The following CHCHD4 variants were observed in gnomAD, a reference collection of about 807,000 sequenced individuals.
CHCHD4 encodes coiled-coil-helix-coiled-coil-helix domain containing 4, also known as mitochondrial intermembrane space import and assembly protein 40.
Under a neutral mutation model 12.4 loss-of-function variants are expected in CHCHD4, and 7 were observed. The ratio of observed to expected loss-of-function variants is 0.57; its 90% CI spans 0.32 to 1.06. The LOEUF is 1.06. CHCHD4 is among the 50% of genes least tolerant of loss of function. The pLI is 0.04. For synonymous variants in CHCHD4, 56 were observed against 58.0 expected (o/e 0.97, Z 0.16); for missense variants, 143 against 175.1 (o/e 0.82, Z 1.03).
At chr3:14,122,448 A>G (rs1411230168) in intron 1 of CHCHD4, among the ~76,000 whole-genome samples, 1 of 152,224 alleles carries the variant, frequency 6.6e-6, no homozygotes, top group Non-Finnish European at 1.5e-5. Flanking sequence ...GAAAGAGGAA[A>G]CTAAGAAAGA....
chr3:14,119,614 G>A (rs565513037), intron 1 of CHCHD4, among the ~76,000 whole-genome samples: 1 of 152,338 alleles, frequency 6.6e-6, no homozygotes, highest in African/African-American at 2.4e-5. Context: ...TTTCTCTAGA[G>A]AAATAAAATT....
rs139685548 is a variant in CHCHD4 at position 14,113,104 on chromosome 3, G to C, written c.212C>G (p.Ala71Gly). ...CGTGCTATAGTGGAAGCAGGAAAAG[G>C]CTGACTTAAACTGTTCTCCACAGGG... ...SGPCGEQFKS[A>G]FSCFHYSTEE... The change falls in exon 3 of 3, where the codon GCC (alanine) becomes GGC (glycine). Residue 71 changes from alanine (A) to glycine (G), a missense_variant. Ala to Gly is a moderately conservative substitution (Grantham distance 60). Coordinates refer to ENST00000396914, the MANE Select transcript of CHCHD4 (RefSeq NM_001098502.2). 4.3e-5 allele frequency: 69 copies of C among 1,614,090 alleles called. No individual in the cohort carries two copies. The highest frequency in any genetic ancestry group is 1.1e-4 in the South Asian group (10 of 91,076).
chr3:14,116,375 C>G (rs1244821519), intron 2 of CHCHD4, 51 bp downstream of exon 2: 1 of 1,210,546 alleles, frequency 8.3e-7, no homozygotes, highest in South Asian at 1.2e-5. Context: ...GAACACTGAG[C>G]TTCTCCCCAG....
chr3:14,124,512 C>T, intron 1 of CHCHD4, 143 bp downstream of exon 1: 1 of 597,608 alleles, frequency 1.7e-6, no homozygotes, highest in Non-Finnish European at 2.6e-6. Context: ...ACCCCCCAGC[C>T]GGCCCGCCTC....
intron 1 of CHCHD4, 57 bp downstream of exon 1, chr3:14,124,598 C>CGCGCCCG: frequency 7.0e-7 from 1 of 1,436,900 alleles, no homozygotes; most frequent in Non-Finnish European, 9.1e-7. Flanking sequence ...CGCCGGGGCC[C>CGCGCCCG]GCGTGTCTCC....
chr3:14,116,126 T>C (rs937013350), intron 2 of CHCHD4, among the ~76,000 whole-genome samples: 5 of 152,206 alleles, frequency 3.3e-5, no homozygotes, highest in African/African-American at 7.2e-5. Context: ...GAATTCAGTC[T>C]GGCAACTTGT....
intron 2 of CHCHD4, among the ~76,000 whole-genome samples, chr3:14,113,824 T>C (rs1258636922): frequency 1.3e-5 from 2 of 152,212 alleles, no homozygotes; most frequent in Non-Finnish European, 2.9e-5. Context: ...AAACTGCACA[T>C]ATGTGTTGGG....
In CHCHD4 at chr3:14,112,542, A is replaced by T. The variant is rs1021967457; in HGVS notation, c.*345T>A. 2 of 202,692 alleles carry T rather than the reference A, an allele frequency of 9.9e-6. No individual in the cohort carries two copies. Among genetic ancestry groups the T allele is most frequent in the African/African-American group, 4.6e-5 (2 of 43,268 alleles). 12.6% of individuals were successfully genotyped at this position (202,692 alleles called of 1,614,324 possible). ...AAAATCTACCAAAAGGAATATAATG[A>T]ATCAGAATAAATCAGCTCACTCACA... is the stretch of plus-strand genomic sequence containing the variant. On this transcript the variant is annotated 3_prime_UTR_variant, in exon 3 of 3. Coordinates refer to ENST00000396914, the MANE Select transcript of CHCHD4 (RefSeq NM_001098502.2).
intron 1 of CHCHD4, among the ~76,000 whole-genome samples, chr3:14,117,340 C>T (rs906506918): frequency 6.6e-6 from 1 of 152,182 alleles, no homozygotes; most frequent in African/African-American, 2.4e-5. Flanking sequence ...TCACTGGAGG[C>T]TGGGTGAGCA....
At chr3:14,123,055 G>A (rs114645233) in intron 1 of CHCHD4, among the ~76,000 whole-genome samples, 3,776 of 149,750 alleles carry the variant, frequency 0.025, 176 homozygotes, top group African/African-American at 0.087. Context: ...CGGAGGGGGG[G>A]AAGTTAGGGA....
At chr3:14,117,387 G>A (rs1694887018) in intron 1 of CHCHD4, among the ~76,000 whole-genome samples, 1 of 152,200 alleles carries the variant, frequency 6.6e-6, no homozygotes, top group East Asian at 1.9e-4. Context: ...ACCAGGGTGG[G>A]TGCATTCACT....
intron 1 of CHCHD4, chr3:14,122,077 T>C (rs752485556): frequency 1.1e-5 from 18 of 1,596,524 alleles, no homozygotes; most frequent in Non-Finnish European, 1.3e-5. Context: ...GGAACCATCC[T>C]GGGCAAAGCC....
chr3:14,124,740 T>C lies in CHCHD4; in HGVS notation c.-64A>G. On this transcript the variant is annotated 5_prime_UTR_variant, in exon 1 of 3. Coordinates refer to ENST00000396914, the MANE Select transcript of CHCHD4 (RefSeq NM_001098502.2). ...TGGCGGCAGCTGCACCTTTACGCCG[T>C]GACCTCCCTCTCCTCTGGCAGGGCG... is the stretch of plus-strand genomic sequence containing the variant. 4 of 1,493,168 alleles carry C rather than the reference T, an allele frequency of 2.7e-6. No individual in the cohort carries two copies. The South Asian group carries it at 5.0e-5, about 19-fold the overall frequency. 92.5% of individuals were successfully genotyped at this position (1,493,168 alleles called of 1,614,324 possible).
intron 1 of CHCHD4, among the ~76,000 whole-genome samples, chr3:14,122,941 G>A (rs1293984505): frequency 1.3e-5 from 2 of 151,898 alleles, no homozygotes; most frequent in Non-Finnish European, 2.9e-5. Flanking sequence ...AAGAGACCAG[G>A]CTGGAAAGGC....
At chr3:14,113,683 G>A (rs1694845273) in intron 2 of CHCHD4, among the ~76,000 whole-genome samples, 1 of 152,078 alleles carries the variant, frequency 6.6e-6, no homozygotes, top group Non-Finnish European at 1.5e-5. Flanking sequence ...ATAGCCTGGG[G>A]ACTGGTGAAA....
chr3:14,121,413 G>A (rs1040803425), intron 1 of CHCHD4, among the ~76,000 whole-genome samples: 6 of 152,156 alleles, frequency 3.9e-5, no homozygotes, highest in African/African-American at 1.4e-4. Flanking sequence ...AAGTGAGTGA[G>A]ACCAAAAAAT....
chr3:14,121,414 AC>A (rs1323866356), intron 1 of CHCHD4, among the ~76,000 whole-genome samples: 1 of 152,180 alleles, frequency 6.6e-6, no homozygotes, highest in Non-Finnish European at 1.5e-5. Flanking sequence ...AGTGAGTGAG[AC>A]CAAAAAATCC....
rs749705826 is a variant in CHCHD4 at position 14,112,874 on chromosome 3, C to T, written c.*13G>A. 1 of 1,604,246 alleles carries T rather than the reference C, an allele frequency of 6.2e-7. No individual in the cohort carries two copies. Among genetic ancestry groups the T allele is most frequent in the Admixed American group, 1.7e-5 (1 of 59,054 alleles). On this transcript the variant is annotated 3_prime_UTR_variant, in exon 3 of 3. Transcript: ENST00000396914. ...CTCCAAAAGGACTGGTGCCCAGTGC[C>T]TTGTGGCCTTCATTAACTTGATCCC... is the stretch of plus-strand genomic sequence containing the variant.
intron 1 of CHCHD4, chr3:14,122,102 A>G (rs746397116): frequency 6.4e-7 from 1 of 1,567,692 alleles, no homozygotes; most frequent in East Asian, 2.3e-5. Context: ...GGGCAAAAGG[A>G]GGGTTTTAAG....
Sources: allele counts gnomAD v4.1 joint callset (sites outside exome capture counted in the v4.1 genomes callset), GRCh38; gene constraint gnomAD v4.1.1; transcripts MANE v1.5; gene names NCBI Gene and HGNC (gene_info 2026-07-23, HGNC 2026-07-21).